PTPRD: variants seen among roughly 807,000 people sequenced by gnomAD.
The protein encoded by PTPRD is protein tyrosine phosphatase receptor type D, also known as receptor-type tyrosine-protein phosphatase delta.
Under a neutral mutation model 214.5 loss-of-function variants are expected in PTPRD, and 34 were observed. That is an observed-to-expected ratio of 0.16 (90% confidence interval 0.12 to 0.21). PTPRD has a LOEUF of 0.21. Among genes scored for constraint, PTPRD ranks in the 10% least tolerant of loss-of-function variants. The pLI is 1.00. For synonymous variants in PTPRD, 1,128 were observed against 845.7 expected, an observed-to-expected ratio of 1.33 and a Z score of -5.79; for missense variants, 2,545 against 2,398.7, an observed-to-expected ratio of 1.06 and a Z score of -1.27.
chr9:9,697,666 T>C (rs1318637166), intron 7 of PTPRD, among the ~76,000 whole-genome samples: 1 of 152,144 alleles, frequency 6.6e-6, no homozygotes, highest in Non-Finnish European at 1.5e-5. Context: ...TGGGGTAGTT[T>C]TATCTGGGTG....
At chr9:8,796,696 A>G (rs940210514) in intron 11 of PTPRD, among the ~76,000 whole-genome samples, 2 of 152,154 alleles carry the variant, frequency 1.3e-5, no homozygotes, top group Non-Finnish European at 2.9e-5. Flanking sequence ...TTTTATTCAC[A>G]TAATAGATTT....
At chr9:9,511,611 T>A (rs892178679) in intron 8 of PTPRD, among the ~76,000 whole-genome samples, 2 of 151,916 alleles carry the variant, frequency 1.3e-5, no homozygotes, top group Non-Finnish European at 2.9e-5. Context: ...AACATCAACA[T>A]CATATCTCTT....
At chr9:9,240,101 A>G (rs2099969628) in intron 9 of PTPRD, among the ~76,000 whole-genome samples, 1 of 152,186 alleles carries the variant, frequency 6.6e-6, no homozygotes, top group Admixed American at 6.6e-5. Flanking sequence ...AAGTAAATTC[A>G]ATAAGATATA....
At chr9:8,729,929 G>C (rs1311687240) in intron 12 of PTPRD, among the ~76,000 whole-genome samples, 2 of 152,336 alleles carry the variant, frequency 1.3e-5, no homozygotes, top group East Asian at 3.9e-4. Flanking sequence ...AGGGGTTTGA[G>C]GAGGGACTCA....
At chr9:9,928,757 T>TACACACACACACACACACACACACACAC (rs60820386) in intron 5 of PTPRD, among the ~76,000 whole-genome samples, 2 of 147,124 alleles carry the variant, frequency 1.4e-5, no homozygotes, top group African/African-American at 5.0e-5. Flanking sequence ...TCTCTCTCTA[T>TACACACACACACACACACACACACACAC]ACACACACAC....
chr9:9,120,885 T>G lies in PTPRD; in HGVS notation c.-143+62419A>C, dbSNP rs1323632071. On this transcript the variant is annotated intron_variant, in intron 10 of 45. Transcript: ENST00000381196. ...ATCACTGTTAGAAACTCTTCCTTGC[T>G]TGAATCTAAAATGCAACTAAGAACT... Among the ~76,000 whole-genome samples the G allele has an allele frequency of 5.3e-5, 8 of 152,210 alleles. No homozygotes were observed. The East Asian group carries it at 1.3e-3, about 26-fold the overall frequency.
chr9:8,893,944 T>TA (rs34465186), intron 11 of PTPRD, among the ~76,000 whole-genome samples: 64,668 of 150,976 alleles, frequency 0.43, 14,174 homozygotes, highest in East Asian at 0.63. Context: ...TATGTGGAAG[T>TA]AAAAAAAAAT....
At chr9:8,530,161 C>G (rs180960463) in intron 14 of PTPRD, among the ~76,000 whole-genome samples, 113 of 152,110 alleles carry the variant, frequency 7.4e-4, no homozygotes, top group African/African-American at 2.4e-3. Context: ...TGAAGAAGCT[C>G]CATTTTGATG....
At chr9:9,204,547 A>C (rs1006553679) in intron 9 of PTPRD, among the ~76,000 whole-genome samples, 1 of 152,174 alleles carries the variant, frequency 6.6e-6, no homozygotes. Context: ...CTTTGCTTCC[A>C]ACTATAGAGT....
At chr9:8,709,768 T>A (rs1161753396) in intron 12 of PTPRD, among the ~76,000 whole-genome samples, 1 of 152,140 alleles carries the variant, frequency 6.6e-6, no homozygotes, top group African/African-American at 2.4e-5. Flanking sequence ...TCAGTCTACA[T>A]AACCAAATAC....
chr9:8,726,167 C>T (rs2098555220), intron 12 of PTPRD, among the ~76,000 whole-genome samples: 2 of 152,182 alleles, frequency 1.3e-5, no homozygotes, highest in South Asian at 4.1e-4. Flanking sequence ...TCCATCCAAT[C>T]ACAGGACCTT....
intron 9 of PTPRD, among the ~76,000 whole-genome samples, chr9:9,328,103 C>T (rs548651809): frequency 1.3e-5 from 2 of 152,142 alleles, no homozygotes; most frequent in East Asian, 3.9e-4. Flanking sequence ...TTACTCTAAA[C>T]TCTGTGAATT....
chr9:8,707,468 GA>G (rs2098234209), intron 12 of PTPRD, among the ~76,000 whole-genome samples: 2 of 152,254 alleles, frequency 1.3e-5, no homozygotes, highest in Admixed American at 1.3e-4. Flanking sequence ...ACATCCAGCA[GA>G]AAGTAGCAGT....
intron 9 of PTPRD, among the ~76,000 whole-genome samples, chr9:9,354,439 G>T (rs1019619391): frequency 5.9e-5 from 9 of 151,648 alleles, no homozygotes; most frequent in African/African-American, 1.9e-4. Context: ...TACCTACAGA[G>T]ATCATATATT....
intron 9 of PTPRD, among the ~76,000 whole-genome samples, chr9:9,358,581 C>T (rs1010444444): frequency 4.0e-5 from 6 of 151,204 alleles, no homozygotes; most frequent in African/African-American, 1.5e-4. Flanking sequence ...TGAGTATGTA[C>T]TTGCTAACTA....
At chr9:9,692,723 C>A (rs144362019) in intron 7 of PTPRD, among the ~76,000 whole-genome samples, 1 of 151,502 alleles carries the variant, frequency 6.6e-6, no homozygotes, top group African/African-American at 2.4e-5. Context: ...TTCTGTAGTA[C>A]AGACAATTCA....
chr9:10,536,634 T>A (rs894277265), intron 2 of PTPRD, among the ~76,000 whole-genome samples: 2 of 152,060 alleles, frequency 1.3e-5, no homozygotes, highest in African/African-American at 4.8e-5. Context: ...CAGTTCTGAG[T>A]GTAAAAAATG....
At chr9:8,577,842 G>A (rs2092618861) in intron 14 of PTPRD, among the ~76,000 whole-genome samples, 1 of 152,162 alleles carries the variant, frequency 6.6e-6, no homozygotes, top group Admixed American at 6.5e-5. Context: ...CTCTAGGGAT[G>A]TGGGACTCAG....
intron 4 of PTPRD, among the ~76,000 whole-genome samples, chr9:10,027,667 T>C (rs2096954458): frequency 6.6e-6 from 1 of 152,164 alleles, no homozygotes; most frequent in Non-Finnish European, 1.5e-5. Context: ...GCATTGAACT[T>C]GTCATGGTTA....
Sources: gnomAD v4.1 joint callset for allele counts (sites outside exome capture counted in the v4.1 genomes callset) on GRCh38, gnomAD v4.1.1 for gene constraint, MANE v1.5 for transcripts, NCBI Gene and HGNC (gene_info 2026-07-23, HGNC 2026-07-21) for gene names.